Variants in NDST1 observed in about 807,000 individuals in gnomAD.
The protein encoded by NDST1 is N-deacetylase and N-sulfotransferase 1.
In NDST1, 35 loss-of-function variants were observed where a neutral mutation model predicts 92.8. The ratio of observed to expected loss-of-function variants is 0.38; its 90% confidence interval spans 0.29 to 0.50. The LOEUF (loss-of-function observed/expected upper bound fraction) is 0.50. Ranked by LOEUF, NDST1 falls within the 20% of genes least tolerant of loss-of-function variation. The pLI, the probability that NDST1 is intolerant of heterozygous loss-of-function variation, is 0.94. For missense variants in NDST1, 822 were observed against 1,182.7 expected (o/e 0.69, Z 4.47); for synonymous variants, 493 against 500.3 (o/e 0.99, Z 0.19).
At chr5:150,531,385 G>T (rs12514506) in intron 3 of NDST1, among the ~76,000 whole-genome samples, 8 of 152,158 alleles carry the variant, frequency 5.3e-5, no homozygotes, top group Admixed American at 2.0e-4. Flanking sequence ...ACCAGGCGGT[G>T]CACGGCCCTG....
At chr5:150,538,502 C>CT (rs1244393937) in intron 6 of NDST1, among the ~76,000 whole-genome samples, 2 of 152,110 alleles carry the variant, frequency 1.3e-5, no homozygotes, top group Non-Finnish European at 2.9e-5. Context: ...ATACTCTGGG[C>CT]TTAGAATAGT....
upstream of NDST1, among the ~76,000 whole-genome samples, chr5:150,506,818 C>T (rs1057079705): frequency 6.6e-6 from 1 of 152,192 alleles, no homozygotes; most frequent in Non-Finnish European, 1.5e-5. Context: ...CAGGGACTGG[C>T]TGCTTTCATG....
upstream of NDST1, among the ~76,000 whole-genome samples, chr5:150,503,183 C>T (rs1228210537): frequency 2.0e-5 from 3 of 152,182 alleles, no homozygotes; most frequent in Non-Finnish European, 2.9e-5. Flanking sequence ...TGACTCGTGC[C>T]TGTAATCCCA....
rs1290147 is a variant in NDST1, at chr5:150,540,177, G to C, written c.1662G>C (p.Thr554=). Residue 554 remains threonine, a synonymous_variant, in exon 8 of 15, where the codon ACG becomes ACC. Coordinates refer to ENST00000261797, the MANE Select transcript of NDST1 (RefSeq NM_001543.5). ...TGGTGCGCTTCCTGCACTCCTGGAC[G>C]AACCTCCGGCTGCAGACACTGCCCC... is the stretch of plus-strand genomic sequence containing the variant. The part of the protein sequence containing the change: ...KHLVRFLHSW[T]NLRLQTLPPV... The C allele has an allele frequency of 0.68, 1,096,191 of 1,614,030 alleles. 377,207 individuals carry two copies. Among genetic ancestry groups the C allele is most frequent in the African/African-American group, 0.92 (69,042 of 75,034 alleles).
chr5:150,541,779 C>A, intron 9 of NDST1, 113 bp downstream of exon 9: 1 of 967,396 alleles, frequency 1.0e-6, no homozygotes, highest in Non-Finnish European at 1.6e-6. Context: ...TCCCTCTTTC[C>A]CAGGAAGTAG....
At chr5:150,537,525 G>A (rs1355412469) in intron 6 of NDST1, among the ~76,000 whole-genome samples, 2 of 152,178 alleles carry the variant, frequency 1.3e-5, no homozygotes, top group South Asian at 2.1e-4. Flanking sequence ...ATTAGGACAA[G>A]GAAGTTCCCA....
chr5:150,502,349 T>G (rs1248290766), intron 1 of NDST1, among the ~76,000 whole-genome samples: 2 of 152,012 alleles, frequency 1.3e-5, no homozygotes, highest in Non-Finnish European at 2.9e-5. Flanking sequence ...GGATTAGATG[T>G]GGGGTGTGAG....
intron 12 of NDST1, 144 bp downstream of exon 12, chr5:150,548,532 T>TTTA (rs376227270): frequency 8.6e-4 from 712 of 828,174 alleles, no homozygotes; most frequent in Admixed American, 1.8e-3. Context: ...ATAAAAAGAT[T>TTTA]TTATTATTAT....
chr5:150,522,247 T>C (rs958693162), intron 2 of NDST1, among the ~76,000 whole-genome samples: 6 of 152,058 alleles, frequency 3.9e-5, no homozygotes, highest in African/African-American at 1.4e-4. Context: ...TATCCCATGC[T>C]CTTCCCTCTT....
At chr5:150,511,004 T>C (rs2151252064) in intron 1 of NDST1, among the ~76,000 whole-genome samples, 1 of 152,310 alleles carries the variant, frequency 6.6e-6, no homozygotes, top group South Asian at 2.1e-4. Context: ...GGGCCCAGGC[T>C]CTGGAGCCCA....
intron 1 of NDST1, among the ~76,000 whole-genome samples, chr5:150,518,291 C>T (rs941017568): frequency 2.0e-5 from 3 of 151,694 alleles, no homozygotes; most frequent in Admixed American, 2.0e-4. Flanking sequence ...CTCTCCCAAA[C>T]CCCCATCCCA....
At chr5:150,545,768 A>T (rs1048798166) in intron 11 of NDST1, among the ~76,000 whole-genome samples, 1 of 152,218 alleles carries the variant, frequency 6.6e-6, no homozygotes, top group Non-Finnish European at 1.5e-5. Flanking sequence ...TTACGCCTAG[A>T]GGAAGCTTAG....
intron 6 of NDST1, among the ~76,000 whole-genome samples, chr5:150,537,389 A>G (rs1755040938): frequency 6.6e-6 from 1 of 152,244 alleles, no homozygotes; most frequent in Non-Finnish European, 1.5e-5. Context: ...AGCAAGAAAC[A>G]TCCCTAAGAA....
intron 10 of NDST1, 80 bp from the exon 11 acceptor site, chr5:150,545,232 T>C (rs1184395659): frequency 1.3e-6 from 2 of 1,516,972 alleles, no homozygotes; most frequent in East Asian, 4.5e-5. Context: ...TCTACCCCAG[T>C]GCCTCGCCCT....
At position 150,528,383 on chromosome 5, in the gene NDST1, G is replaced by A. The variant is rs894440049; in HGVS notation, c.1008+85G>A. The A allele has an allele frequency of 4.9e-6, 7 of 1,438,262 alleles. No individual in the cohort carries two copies. The African/African-American group carries it at 8.5e-5, about 17-fold the overall frequency. 89.1% of individuals were successfully genotyped at this position (1,438,262 alleles called of 1,614,324 possible). A position where few individuals can be genotyped will look rare whatever the true frequency, so the allele number is the denominator to read the frequency against. ...AGGTGCCCCATCGTGGGTGTGCCCT[G>A]TCTGCATCTCCCCTATGCTGGGAGT... On this transcript the variant is annotated intron_variant, in intron 3 of 14. Transcript: ENST00000261797.
At chr5:150,548,651 C>T (rs985916757) in intron 12 of NDST1, among the ~76,000 whole-genome samples, 10 of 152,088 alleles carry the variant, frequency 6.6e-5, no homozygotes, top group Non-Finnish European at 1.3e-4. Context: ...ATCCTTCCAC[C>T]TCTGCCTCCT....
chr5:150,542,798 T>A (rs879300204), intron 9 of NDST1, 50 bp from the exon 10 acceptor site: 1 of 1,613,242 alleles, frequency 6.2e-7, no homozygotes, highest in Non-Finnish European at 8.5e-7. Context: ...AGACTCTATC[T>A]TTTGGCTGGG....
In NDST1 at chr5:150,553,991, T is replaced by C. The variant is rs1755817961; in HGVS notation, c.*659T>C. The C allele has an allele frequency of 4.9e-6, 2 of 407,408 alleles. No homozygotes were observed. Among genetic ancestry groups the C allele is most frequent in the Non-Finnish European group, 8.7e-6 (2 of 230,258 alleles). The allele number at this position is 407,408 out of a possible 1,614,324, so 25.2% of individuals were successfully genotyped here. ...CCCGCAGGGCCTTGGGGCACTGCCTTGCCATCGGGCCCAGTTCTCCGGGCC... is the reference window on the plus strand; with the variant it reads ...CCCGCAGGGCCTTGGGGCACTGCCTCGCCATCGGGCCCAGTTCTCCGGGCC... On this transcript the variant is annotated 3_prime_UTR_variant, in exon 15 of 15. Coordinates refer to ENST00000261797, the MANE Select transcript of NDST1 (RefSeq NM_001543.5). The surrounding 1 kb of genome is among the most constrained non-coding windows in gnomAD (Gnocchi z 4.2).
At chr5:150,519,424 G>C (rs968211822) in intron 1 of NDST1, among the ~76,000 whole-genome samples, 1 of 152,120 alleles carries the variant, frequency 6.6e-6, no homozygotes, top group Non-Finnish European at 1.5e-5. Flanking sequence ...TTGCTCCTTG[G>C]GGGCCAGGCG....
Sources: allele counts gnomAD v4.1 joint callset (sites outside exome capture counted in the v4.1 genomes callset), GRCh38; gene constraint gnomAD v4.1.1; non-coding constraint Gnocchi (gnomAD v3.1); transcripts MANE v1.5; gene names NCBI Gene and HGNC (gene_info 2026-07-23, HGNC 2026-07-21).